Variants in RIN2 observed in about 807,000 individuals in gnomAD.
The protein encoded by RIN2 is Ras and Rab interactor 2.
Under a neutral mutation model 78.0 loss-of-function variants are expected in RIN2, and 36 were observed. The ratio of observed to expected loss-of-function variants is 0.46; its 90% CI spans 0.35 to 0.61. The LOEUF (loss-of-function observed/expected upper bound fraction) is 0.61. Among genes scored for constraint, RIN2 ranks in the 20% least tolerant of loss-of-function variants. The pLI, the probability that RIN2 is intolerant of heterozygous loss-of-function variation, is 0.00. For missense variants in RIN2, 1,087 were observed against 1,159.7 expected (o/e 0.94, Z 0.91); for synonymous variants, 466 against 466.8 (o/e 1.00, Z 0.02).
At chr20:19,830,211 C>T (rs1354508398) in intron 2 of RIN2, among the ~76,000 whole-genome samples, 2 of 152,170 alleles carry the variant, frequency 1.3e-5, no homozygotes, top group African/African-American at 4.8e-5. Flanking sequence ...AAGGCCAATC[C>T]TGATGACTGT....
chr20:19,918,802 A>G (rs918544482), intron 3 of RIN2, among the ~76,000 whole-genome samples: 9 of 152,022 alleles, frequency 5.9e-5, no homozygotes, highest in Non-Finnish European at 2.9e-5. Flanking sequence ...ATACAAAATG[A>G]CATCTGGGAT....
intron 1 of RIN2, among the ~76,000 whole-genome samples, chr20:19,780,832 A>G (rs2034475935): frequency 6.6e-6 from 1 of 152,256 alleles, no homozygotes; most frequent in African/African-American, 2.4e-5. Flanking sequence ...GCTATGCCAC[A>G]TAATACTTGA....
chr20:19,838,760 G>A (rs866937275), intron 2 of RIN2, among the ~76,000 whole-genome samples: 1 of 152,134 alleles, frequency 6.6e-6, no homozygotes, highest in Non-Finnish European at 1.5e-5. Context: ...TGGATAGCTT[G>A]GCAAGTCTCT....
At chr20:19,933,153 C>A (rs950031379) in intron 3 of RIN2, among the ~76,000 whole-genome samples, 2 of 152,312 alleles carry the variant, frequency 1.3e-5, no homozygotes, top group Non-Finnish European at 2.9e-5. Context: ...CCTTTCCAAC[C>A]ACCTCAGTGC....
intron 2 of RIN2, among the ~76,000 whole-genome samples, chr20:19,801,881 T>A (rs1165104347): frequency 6.6e-6 from 1 of 152,196 alleles, no homozygotes; most frequent in Non-Finnish European, 1.5e-5. Context: ...AGGTTTGTCT[T>A]TTGAGGCCAA....
chr20:19,945,327 C>T (rs753561046), intron 4 of RIN2, among the ~76,000 whole-genome samples: 4 of 152,190 alleles, frequency 2.6e-5, no homozygotes, highest in Non-Finnish European at 5.9e-5. Context: ...TTTCAGTGCA[C>T]TCACATGGGC....
intron 2 of RIN2, among the ~76,000 whole-genome samples, chr20:19,807,129 A>C (rs556961494): frequency 1.3e-5 from 2 of 152,346 alleles, no homozygotes; most frequent in South Asian, 4.1e-4. Context: ...CATGAGTATA[A>C]GTGGAAGCCC....
intron 3 of RIN2, among the ~76,000 whole-genome samples, chr20:19,923,920 C>T (rs1234201798): frequency 1.3e-5 from 2 of 151,926 alleles, no homozygotes; most frequent in Non-Finnish European, 2.9e-5. Flanking sequence ...TGCTGTTGAG[C>T]TCATTTGCTG....
intron 2 of RIN2, among the ~76,000 whole-genome samples, chr20:19,873,680 G>A (rs34565191): frequency 0.053 from 8,130 of 152,126 alleles, 673 homozygotes; most frequent in African/African-American, 0.18. Context: ...TTTACAAGTG[G>A]ATGCAAAACT....
At chr20:19,983,935 T>G (rs2146357761) in intron 9 of RIN2, among the ~76,000 whole-genome samples, 1 of 152,138 alleles carries the variant, frequency 6.6e-6, no homozygotes, top group East Asian at 1.9e-4. Flanking sequence ...AACGTGCAGG[T>G]TTTTTACATA....
At chr20:19,885,888 TTAA>T (rs2038167707) in intron 2 of RIN2, among the ~76,000 whole-genome samples, 1 of 152,066 alleles carries the variant, frequency 6.6e-6, no homozygotes, top group East Asian at 1.9e-4. Context: ...TACTGGTCAA[TTAA>T]TAAAATAAAA....
intron 1 of RIN2, among the ~76,000 whole-genome samples, chr20:19,788,432 C>CAAAAAAAAAAAAAAACAAA (rs2034760178): frequency 5.6e-5 from 3 of 53,744 alleles, no homozygotes; most frequent in African/African-American, 3.3e-4. Context: ...CTGTCTCTGC[C>CAAAAAAAAAAAAAAACAAA]AAAAAAAAAA....
intron 3 of RIN2, among the ~76,000 whole-genome samples, chr20:19,922,159 C>T (rs1399936481): frequency 6.6e-6 from 1 of 152,322 alleles, no homozygotes; most frequent in Middle Eastern, 3.4e-3. Context: ...AGCCACTGCT[C>T]CCCGCCTGGG....
intron 3 of RIN2, among the ~76,000 whole-genome samples, chr20:19,894,558 C>T (rs1162317977): frequency 6.6e-6 from 1 of 152,152 alleles, no homozygotes; most frequent in Non-Finnish European, 1.5e-5. Flanking sequence ...GGCCTAAATC[C>T]TCTTCATGTC....
At chr20:19,923,453 A>AT (rs2040012313) in intron 3 of RIN2, among the ~76,000 whole-genome samples, 1 of 128,926 alleles carries the variant, frequency 7.8e-6, no homozygotes, top group Non-Finnish European at 1.6e-5. Context: ...ATAAAATAAA[A>AT]TAAAATAAAA....
intron 3 of RIN2, among the ~76,000 whole-genome samples, chr20:19,919,600 G>A (rs2039829252): frequency 6.6e-6 from 1 of 151,982 alleles, no homozygotes; most frequent in Non-Finnish European, 1.5e-5. Flanking sequence ...GAGCTCAGGA[G>A]TTCAAGACCA....
intron 1 of RIN2, among the ~76,000 whole-genome samples, chr20:19,782,297 G>C (rs2122536782): frequency 6.6e-6 from 1 of 152,332 alleles, no homozygotes; most frequent in South Asian, 2.1e-4. Context: ...AGCCGTGGTG[G>C]CTCACGCCTG....
chr20:19,831,709 A>C (rs921722513), intron 2 of RIN2, among the ~76,000 whole-genome samples: 4 of 152,230 alleles, frequency 2.6e-5, no homozygotes, highest in Non-Finnish European at 5.9e-5. Context: ...TTGAGCAGGT[A>C]CAATGAGCTT....
In RIN2 at chr20:19,776,700, C is replaced by T. The variant is rs140140200; in HGVS notation, c.-163+18373C>T. Among the ~76,000 whole-genome samples the T allele has an allele frequency of 1.9e-3, 282 of 151,696 alleles. 2 individuals carry two copies. The highest frequency in any genetic ancestry group is 6.5e-3 in the African/African-American group (269 of 41,322). On this transcript the variant is annotated intron_variant, in intron 1 of 12. Coordinates refer to ENST00000255006, the MANE Select transcript of RIN2 (RefSeq NM_018993.4). ...TGAGCCGAGATCACGCCACTGCGCT[C>T]CAGCCTGGGTGACAGAGTGAGACCC...
Sources: allele counts gnomAD v4.1 joint callset (sites outside exome capture counted in the v4.1 genomes callset), GRCh38; gene constraint gnomAD v4.1.1; transcripts MANE v1.5; gene names NCBI Gene and HGNC (gene_info 2026-07-23, HGNC 2026-07-21).